Variants in ADAM12 observed in about 807,000 individuals in gnomAD.
ADAM12 encodes the protein disintegrin and metalloproteinase domain-containing protein 12.
In ADAM12, 70 loss-of-function variants were observed where a neutral mutation model predicts 106.4. That is an observed-to-expected ratio of 0.66 (90% CI 0.54 to 0.80). The LOEUF is 0.80. Among genes scored for constraint, ADAM12 ranks in the 30% least tolerant of loss-of-function variants. The probability of loss-of-function intolerance (pLI) is 0.00; values close to 1 mark genes in which losing one functional copy is unlikely to be tolerated. For missense variants in ADAM12, 1,010 were observed against 1,171.9 expected (o/e 0.86, Z 2.02); for synonymous variants, 420 against 433.5 (o/e 0.97, Z 0.39).
At chr10:126,109,733 A>G (rs867150016) in intron 7 of ADAM12, 42 bp downstream of exon 7, 2 of 1,569,866 alleles carry the variant, frequency 1.3e-6, no homozygotes, top group Middle Eastern at 3.4e-4. Context: ...TTTTTCTTTT[A>G]TCTCTAACCA....
intron 3 of ADAM12, among the ~76,000 whole-genome samples, chr10:126,208,805 T>C (rs1261191917): frequency 6.6e-6 from 1 of 151,572 alleles, no homozygotes; most frequent in Non-Finnish European, 1.5e-5. Flanking sequence ...TTAAATCATA[T>C]CCATCAGAAA....
chr10:126,307,784 A>G (rs1960914567), intron 2 of ADAM12, among the ~76,000 whole-genome samples: 1 of 152,000 alleles, frequency 6.6e-6, no homozygotes, highest in Non-Finnish European at 1.5e-5. Context: ...GTAGATACAG[A>G]GTTTCGCCAT....
At chr10:126,371,803 T>G (rs1283660515) in intron 1 of ADAM12, among the ~76,000 whole-genome samples, 2 of 152,150 alleles carry the variant, frequency 1.3e-5, no homozygotes, top group African/African-American at 4.8e-5. Flanking sequence ...ACGCTTATCC[T>G]CCCTCCCACA....
chr10:126,105,439 G>A (rs1016407151), intron 8 of ADAM12, among the ~76,000 whole-genome samples: 7 of 152,164 alleles, frequency 4.6e-5, no homozygotes, highest in East Asian at 3.9e-4. Flanking sequence ...GCCTGAGGCC[G>A]TTGGGGCAAT....
chr10:126,327,171 G>T (rs557113267), intron 2 of ADAM12, among the ~76,000 whole-genome samples: 2 of 152,276 alleles, frequency 1.3e-5, no homozygotes, highest in South Asian at 4.1e-4. Context: ...AGTGCCTCTG[G>T]GTCACAGAGC....
chr10:126,142,029 G>A (rs980132628), intron 4 of ADAM12, among the ~76,000 whole-genome samples: 5 of 152,154 alleles, frequency 3.3e-5, no homozygotes, highest in Middle Eastern at 3.2e-3. Context: ...GCTGGTTAAC[G>A]GTAGGGCAGG....
intron 18 of ADAM12, chr10:126,042,009 T>C: frequency 1.4e-6 from 2 of 1,460,692 alleles, no homozygotes; most frequent in Non-Finnish European, 1.8e-6. Flanking sequence ...AACTGTGTTG[T>C]GTCTGTTGTC....
At chr10:126,183,979 C>T (rs1465552026) in intron 3 of ADAM12, among the ~76,000 whole-genome samples, 5 of 152,314 alleles carry the variant, frequency 3.3e-5, no homozygotes, top group African/African-American at 1.2e-4. Flanking sequence ...TCTTTTCTTA[C>T]ATTATTATGA....
In ADAM12 at chr10:126,369,306, G is replaced by A. The variant is rs377663561; in HGVS notation, c.88+18752C>T. ...AGCAGCTGTGATGTGCTAGGCACGGGGGACCCAACAGAGAATAAGATGGAT... is the reference window on the plus strand; with the variant it reads ...AGCAGCTGTGATGTGCTAGGCACGGAGGACCCAACAGAGAATAAGATGGAT... On this transcript the variant is annotated intron_variant, in intron 1 of 22. Transcript: ENST00000448723. 3.2e-4 allele frequency among the ~76,000 whole-genome samples: 49 copies of A among 152,282 alleles called. No individual in the cohort carries two copies. The East Asian group carries it at 8.5e-3, about 26-fold the overall frequency.
intron 1 of ADAM12, among the ~76,000 whole-genome samples, chr10:126,385,479 T>C (rs968006563): frequency 2.0e-5 from 3 of 152,192 alleles, no homozygotes; most frequent in Non-Finnish European, 4.4e-5. Flanking sequence ...CAGAGACATA[T>C]TTCTTATTAT....
In ADAM12 at chr10:126,289,864, A is replaced by C. The variant is rs1960067224; in HGVS notation, c.187-10876T>G. The stretch of plus-strand genomic sequence containing the variant: ...TTCTTACAAGGAAAATGGGATAACA[A>C]AACGCTTTTCCTATCATTGTGGTCA... On this transcript the variant is annotated intron_variant, in intron 2 of 22. Transcript: ENST00000448723. Among the ~76,000 whole-genome samples, 5 of 152,186 alleles carry C rather than the reference A, an allele frequency of 3.3e-5. 1 individual carries two copies. The South Asian group carries it at 1.0e-3, about 32-fold the overall frequency.
intron 3 of ADAM12, among the ~76,000 whole-genome samples, chr10:126,163,788 TGA>T (rs1488154546): frequency 6.6e-6 from 1 of 152,172 alleles, no homozygotes. Context: ...CACACTGGGT[TGA>T]GCTAAAAAGC....
At chr10:126,196,840 G>A (rs1209808416) in intron 3 of ADAM12, among the ~76,000 whole-genome samples, 2 of 148,616 alleles carry the variant, frequency 1.3e-5, no homozygotes, top group Admixed American at 1.3e-4. Flanking sequence ...GTTGCTTCTT[G>A]TAAAATAAAA....
intron 3 of ADAM12, among the ~76,000 whole-genome samples, chr10:126,174,996 T>C (rs1240307120): frequency 6.6e-6 from 1 of 152,156 alleles, no homozygotes; most frequent in East Asian, 1.9e-4. Flanking sequence ...GACCTCGTGA[T>C]CCGTCCACCT....
intron 2 of ADAM12, among the ~76,000 whole-genome samples, chr10:126,308,540 TACTATTG>T (rs1438724294): frequency 6.6e-6 from 1 of 152,260 alleles, no homozygotes; most frequent in African/African-American, 2.4e-5. Context: ...ATATTGCTTT[TACTATTG>T]ACTGACTTAA....
At chr10:126,279,086 C>A in intron 2 of ADAM12, 98 bp from the exon 3 acceptor site, 1 of 881,272 alleles carries the variant, frequency 1.1e-6, no homozygotes, top group Non-Finnish European at 1.8e-6. Context: ...AGGGAATAAA[C>A]GATGCGGTCA....
intron 4 of ADAM12, among the ~76,000 whole-genome samples, chr10:126,147,240 AC>A (rs1171719910): frequency 6.6e-6 from 1 of 152,080 alleles, no homozygotes; most frequent in African/African-American, 2.4e-5. Context: ...CTAAGGGGAG[AC>A]ATGTTTCCTT....
At chr10:126,324,043 G>A (rs2133839805) in intron 2 of ADAM12, among the ~76,000 whole-genome samples, 1 of 152,352 alleles carries the variant, frequency 6.6e-6, no homozygotes, top group South Asian at 2.1e-4. Context: ...GCTCCTTGGG[G>A]ACCCAAGGGG....
At chr10:126,178,482 CA>C (rs2133778240) in intron 3 of ADAM12, among the ~76,000 whole-genome samples, 1 of 136,754 alleles carries the variant, frequency 7.3e-6, no homozygotes, top group South Asian at 2.3e-4. Flanking sequence ...AAACATTACA[CA>C]AATTGTCAAA....
Sources: gnomAD v4.1 joint callset for allele counts (sites outside exome capture counted in the v4.1 genomes callset) on GRCh38, gnomAD v4.1.1 for gene constraint, MANE v1.5 for transcripts, NCBI Gene and HGNC (gene_info 2026-07-23, HGNC 2026-07-21) for gene names.